The following RIF1 variants were observed in gnomAD, a reference collection of about 807,000 sequenced individuals.
RIF1 encodes replication timing regulatory factor 1.
A neutral mutation model predicts 247.1 loss-of-function variants in RIF1; 45 were observed. The ratio of observed to expected loss-of-function variants is 0.18; its 90% CI spans 0.14 to 0.23. The LOEUF (loss-of-function observed/expected upper bound fraction) is 0.23, where lower values mean the gene tolerates loss of function less well. RIF1 is among the 10% of genes least tolerant of loss of function. RIF1 has a pLI of 1.00. For synonymous variants in RIF1, 1,087 were observed against 978.8 expected (o/e 1.11, Z -2.06); for missense variants, 2,967 against 2,862.5 (o/e 1.04, Z -0.83).
intron 8 of RIF1, among the ~76,000 whole-genome samples, chr2:151,424,889 G>A (rs1231998282): frequency 2.4e-5 from 3 of 122,910 alleles, no homozygotes; most frequent in African/African-American, 6.4e-5. Flanking sequence ...GTTTTGCCGT[G>A]CTGCTCAGGC....
intron 20 of RIF1, 48 bp downstream of exon 20, chr2:151,446,623 C>T (rs1353943113): frequency 6.4e-7 from 1 of 1,562,542 alleles, no homozygotes; most frequent in Admixed American, 1.9e-5. Context: ...TTAAAGGATT[C>T]TTTTCAAGTA....
In RIF1 at chr2:151,456,123, A is replaced by T. The variant is rs148799358; in HGVS notation, c.2610-455A>T. The stretch of plus-strand genomic sequence containing the variant: ...AAAGCCTCAGTAACAAACTCGTACA[A>T]GCATTTTGAAAGGATTCATGAATAT... On this transcript the variant is annotated intron_variant, in intron 22 of 35. Coordinates refer to ENST00000444746, the MANE Select transcript of RIF1 (RefSeq NM_018151.5). Among the ~76,000 whole-genome samples, 71 of 152,316 alleles carry T rather than the reference A, an allele frequency of 4.7e-4. No homozygotes were observed. The East Asian group carries it at 0.012, about 26-fold the overall frequency.
In RIF1 at chr2:151,480,906, G is replaced by T. The variant is rs1045391; in HGVS notation, c.*5835G>T. On this transcript the variant is annotated 3_prime_UTR_variant, in exon 36 of 36. Transcript: ENST00000444746. ...AGATTGGTAAACTAGCATGCCACCT[G>T]TTTTTTGTACTATCTGTGAGCTGAG... is the stretch of plus-strand genomic sequence containing the variant. 1 of 151,938 alleles carries T rather than the reference G, an allele frequency of 6.6e-6. No individual in the cohort carries two copies. Among genetic ancestry groups the T allele is most frequent in the African/African-American group, 2.4e-5 (1 of 41,198 alleles). 9.4% of individuals were successfully genotyped at this position (151,938 alleles called of 1,614,324 possible).
intron 2 of RIF1, 119 bp from the exon 3 acceptor site, chr2:151,411,130 CCTTACCTACTG>C: frequency 3.2e-6 from 2 of 634,002 alleles, no homozygotes; most frequent in South Asian, 3.9e-5. Context: ...CCCTTAAGGA[CCTTACCTACTG>C]GGTCAATTCA....
At chr2:151,462,110 C>G (rs1696274227) in intron 27 of RIF1, 132 bp from the exon 28 acceptor site, 2 of 474,364 alleles carry the variant, frequency 4.2e-6, no homozygotes, top group African/African-American at 2.0e-5. Flanking sequence ...TGAGCTCAAG[C>G]AGCCCACCCA....
intron 20 of RIF1, among the ~76,000 whole-genome samples, chr2:151,449,905 C>T (rs574209162): frequency 7.5e-5 from 11 of 146,552 alleles, no homozygotes; most frequent in East Asian, 2.0e-4. Flanking sequence ...TGCAGTGGTG[C>T]GATCTCGGCT....
rs1693319051 is a variant in RIF1, at chr2:151,446,640, GATA to G, written c.2244+69_2244+71del. 9.0e-5 allele frequency: 136 copies of G among 1,509,268 alleles called. 3 individuals are homozygous for G. The South Asian group carries it at 1.4e-3, about 15-fold the overall frequency. The allele number at this position is 1,509,268 out of a possible 1,614,324, so 93.5% of individuals were successfully genotyped here. On this transcript the variant is annotated intron_variant, in intron 20 of 35. Coordinates refer to ENST00000444746, the MANE Select transcript of RIF1 (RefSeq NM_018151.5). ...AAAGGATTCTTTTCAAGTAAATGGA[GATA>G]ATATTTGTGAACTGTCACCTATTAC... is the stretch of plus-strand genomic sequence containing the variant.
At chr2:151,466,741 T>A (rs1696964643) in intron 30 of RIF1, among the ~76,000 whole-genome samples, 1 of 152,282 alleles carries the variant, frequency 6.6e-6, no homozygotes, top group Non-Finnish European at 1.5e-5. Context: ...ATAGGAAAAG[T>A]TAAATGTATT....
intron 27 of RIF1, among the ~76,000 whole-genome samples, chr2:151,461,742 C>T (rs1696205952): frequency 6.6e-6 from 1 of 152,128 alleles, no homozygotes; most frequent in African/African-American, 2.4e-5. Flanking sequence ...AAATGCATTT[C>T]ATAATGTATA....
intron 12 of RIF1, chr2:151,505,888 T>C: frequency 1.8e-6 from 1 of 541,634 alleles, no homozygotes; most frequent in Non-Finnish European, 3.3e-6. Context: ...CAGATTGACA[T>C]ACATATATCC....
chr2:151,497,505 C>T, intron 10 of RIF1: 1 of 1,491,100 alleles, frequency 6.7e-7, no homozygotes, highest in East Asian at 2.5e-5. Context: ...GATAAATTTG[C>T]TAAAGAAATT....
rs746886904 is a variant in RIF1, at chr2:151,465,179, A to G, written c.5659A>G (p.Thr1887Ala). 1 of 1,613,394 alleles carries G rather than the reference A, an allele frequency of 6.2e-7. No individual in the cohort carries two copies. The highest frequency in any genetic ancestry group is 8.5e-7 in the Non-Finnish European group (1 of 1,179,884). The change falls in exon 30 of 36, where the codon ACC becomes GCC. Residue 1887 changes from threonine (T) to alanine (A), a missense_variant. Physicochemically the swap from Thr to Ala is moderately conservative, Grantham distance 58. Around this residue, in one of 7 missense-constraint regions of RIF1, gnomAD observed 2,028 missense variants for 1,825.6 expected, o/e 1.11. Transcript: ENST00000444746. ...GACAAAAGAAGAAAAACCAGAAGAA[A>G]CCCCAAAAATGGAACTGAGTCTAGA... is the stretch of plus-strand genomic sequence containing the variant. ...LETKEEKPEE[T>A]PKMELSLENV... is the part of the protein sequence containing the mutation.
the RIF1 span, chr2:151,518,435 C>T: frequency 7.1e-6 from 11 of 1,541,862 alleles, no homozygotes; most frequent in Middle Eastern, 1.8e-4. Flanking sequence ...GAGGGGAAGG[C>T]GGCAAAAAAG....
At chr2:151,502,278 C>T (rs997346622) in intron 11 of RIF1, among the ~76,000 whole-genome samples, 1 of 151,972 alleles carries the variant, frequency 6.6e-6, no homozygotes, top group Non-Finnish European at 1.5e-5. Flanking sequence ...GTGTATACTG[C>T]TTGGGTGATG....
chr2:151,474,269 T>C (rs1047010344), intron 35 of RIF1, among the ~76,000 whole-genome samples, 197 bp downstream of exon 35: 1 of 152,234 alleles, frequency 6.6e-6, no homozygotes, highest in African/African-American at 2.4e-5. Flanking sequence ...TCCATCAAGG[T>C]CTCAAGGATT....
At position 151,464,799 on chromosome 2, in the gene RIF1, G is replaced by A; in HGVS notation, c.5279G>A (p.Ser1760Asn). ...KNTENNDVEI[S>N]ETKKADVQAP... ...ACAGAAAATAATGACGTAGAGATTA[G>A]TGAAACAAAAAAGGCAGATGTGCAA... Residue 1760 changes from serine (S) to asparagine (N), a missense_variant, in exon 30 of 36, where the codon AGT becomes AAT. By Grantham distance (46) the Ser-to-Asn change is conservative (BLOSUM62 1). Transcript: ENST00000444746. The A allele has an allele frequency of 6.2e-7, 1 of 1,613,780 alleles. No individual in the cohort carries two copies. Among genetic ancestry groups the A allele is most frequent in the South Asian group, 1.1e-5 (1 of 90,982 alleles).
intron 7 of RIF1, 47 bp downstream of exon 7, chr2:151,420,426 G>T: frequency 6.4e-7 from 1 of 1,570,282 alleles, no homozygotes; most frequent in Non-Finnish European, 8.7e-7. Context: ...GCATCGGAAG[G>T]TTCTGCACTA....
chr2:151,514,984 C>T, the RIF1 span: 2 of 1,100,388 alleles, frequency 1.8e-6, no homozygotes, highest in East Asian at 2.6e-5. Flanking sequence ...TACAATATAT[C>T]TCTCCATCTC....
intron 11 of RIF1, chr2:151,502,662 G>C: frequency 1.5e-6 from 1 of 649,224 alleles, no homozygotes; most frequent in East Asian, 2.8e-5. Context: ...AATTAGATTT[G>C]GGTTGAAAAC....
Sources: gnomAD v4.1 joint callset for allele counts (sites outside exome capture counted in the v4.1 genomes callset) on GRCh38, gnomAD v4.1.1 for gene constraint, gnomAD v4.1.1 regional missense constraint, MANE v1.5 for transcripts, NCBI Gene and HGNC (gene_info 2026-07-23, HGNC 2026-07-21) for gene names.